Variants in MIS18A observed in about 807,000 individuals in gnomAD.
MIS18A encodes protein Mis18-alpha.
Under a neutral mutation model 25.0 loss-of-function variants are expected in MIS18A, and 14 were observed. The observed-to-expected ratio is 0.56, with a 90% CI of 0.37 to 0.88. The LOEUF (loss-of-function observed/expected upper bound fraction) is 0.88, where lower values mean the gene tolerates loss of function less well. Ranked by LOEUF, MIS18A falls within the 40% of genes least tolerant of loss-of-function variation. MIS18A has a pLI of 0.00. For synonymous variants in MIS18A, 134 were observed against 118.6 expected, an observed-to-expected ratio of 1.13 and a Z score of -0.84; for missense variants, 292 against 290.8, an observed-to-expected ratio of 1.00 and a Z score of -0.03.
the MIS18A span, among the ~76,000 whole-genome samples, chr21:32,236,150 G>A: frequency 6.6e-6 from 1 of 151,964 alleles, no homozygotes; most frequent in Non-Finnish European, 1.5e-5. Flanking sequence ...CGAGGTGGGT[G>A]GATCACGAGA....
At chr21:32,173,955 G>GTTTTTTTT in the MIS18A span, among the ~76,000 whole-genome samples, 1 of 92,588 alleles carries the variant, frequency 1.1e-5, no homozygotes, top group Non-Finnish European at 2.0e-5. Context: ...TACTTTTTAA[G>GTTTTTTTT]TTTTTTTTTT....
At chr21:32,261,772 GAC>G in the MIS18A span, among the ~76,000 whole-genome samples, 1 of 152,224 alleles carries the variant, frequency 6.6e-6, no homozygotes, top group African/African-American at 2.4e-5. Context: ...CAGCCAAGAA[GAC>G]ACACGGAGAG....
downstream of MIS18A, among the ~76,000 whole-genome samples, chr21:32,264,878 T>C (rs2031564092): frequency 1.3e-5 from 2 of 152,214 alleles, no homozygotes; most frequent in South Asian, 4.1e-4. Context: ...GTGGACTCTT[T>C]AGCTTGGAAA....
the MIS18A span, among the ~76,000 whole-genome samples, chr21:32,173,625 A>T: frequency 6.6e-6 from 1 of 152,204 alleles, no homozygotes; most frequent in African/African-American, 2.4e-5. Flanking sequence ...TGAAGTACTG[A>T]TGATGAACCT....
chr21:32,265,727 C>T (rs1200260368), downstream of MIS18A, among the ~76,000 whole-genome samples: 1 of 152,264 alleles, frequency 6.6e-6, no homozygotes, highest in Non-Finnish European at 1.5e-5. Context: ...GCACAGGGCA[C>T]AGGACGGGCA....
At chr21:32,199,309 T>C in the MIS18A span, among the ~76,000 whole-genome samples, 11 of 152,144 alleles carry the variant, frequency 7.2e-5, no homozygotes, top group Non-Finnish European at 1.6e-4. Context: ...GCCTTCATTA[T>C]TCAGGACCAA....
chr21:32,276,039 C>T (rs994605275), intron 1 of MIS18A, among the ~76,000 whole-genome samples: 2 of 152,144 alleles, frequency 1.3e-5, no homozygotes, highest in Non-Finnish European at 2.9e-5. Context: ...GACTACAACG[C>T]CTTGCAGTTT....
At chr21:32,254,046 C>T in the MIS18A span, among the ~76,000 whole-genome samples, 1 of 150,858 alleles carries the variant, frequency 6.6e-6, no homozygotes, top group Non-Finnish European at 1.5e-5. Flanking sequence ...ACCAGCCTGT[C>T]CAATATGGTG....
At chr21:32,237,880 C>T in the MIS18A span, among the ~76,000 whole-genome samples, 1 of 151,954 alleles carries the variant, frequency 6.6e-6, no homozygotes, top group Non-Finnish European at 1.5e-5. Context: ...TCTTAACAGA[C>T]CCAATCAGAA....
At chr21:32,201,323 G>GA in the MIS18A span, among the ~76,000 whole-genome samples, 4 of 151,442 alleles carry the variant, frequency 2.6e-5, no homozygotes, top group Admixed American at 6.6e-5. Context: ...GAACCAGGTG[G>GA]AAAAAAAACA....
chr21:32,178,127 C>T, the MIS18A span, among the ~76,000 whole-genome samples: 3 of 151,990 alleles, frequency 2.0e-5, no homozygotes, highest in Admixed American at 1.3e-4. Flanking sequence ...ACTATGTTGC[C>T]CAGGCTGATC....
chr21:32,234,340 C>T, the MIS18A span, among the ~76,000 whole-genome samples: 16 of 152,258 alleles, frequency 1.1e-4, no homozygotes, highest in South Asian at 1.0e-3. Flanking sequence ...CTCAGCCTTA[C>T]GGTCTTTCTT....
the MIS18A span, among the ~76,000 whole-genome samples, chr21:32,192,753 A>G: frequency 0.15 from 23,044 of 152,092 alleles, 1,852 homozygotes; most frequent in East Asian, 0.24. Context: ...TCCTCTTTTA[A>G]TCCAAACAAC....
At chr21:32,155,541 G>A in the MIS18A span, among the ~76,000 whole-genome samples, 5 of 152,170 alleles carry the variant, frequency 3.3e-5, no homozygotes, top group Non-Finnish European at 5.9e-5. Flanking sequence ...AGTTATAACA[G>A]TAATTTGTAT....
chr21:32,164,583 T>C, the MIS18A span, among the ~76,000 whole-genome samples: 1 of 151,948 alleles, frequency 6.6e-6, no homozygotes, highest in South Asian at 2.1e-4. Context: ...TAAACTGGGA[T>C]ACTTTTTCCA....
At chr21:32,267,030 T>C (rs868109060), downstream of MIS18A, among the ~76,000 whole-genome samples, 3 of 152,002 alleles carry the variant, frequency 2.0e-5, no homozygotes, top group African/African-American at 7.3e-5. Flanking sequence ...AGAAAAGCCA[T>C]GCCACCAGGC....
chr21:32,266,387 C>A (rs1428956039), downstream of MIS18A, among the ~76,000 whole-genome samples: 3 of 152,008 alleles, frequency 2.0e-5, no homozygotes, highest in East Asian at 1.9e-4. Context: ...GCAGGCTGCC[C>A]GAGCCAGCAT....
chr21:32,198,075 C>A, the MIS18A span, among the ~76,000 whole-genome samples: 21 of 152,340 alleles, frequency 1.4e-4, no homozygotes, highest in East Asian at 4.1e-3. Context: ...TGGCATCTCT[C>A]CTGCTGTGGG....
chr21:32,157,245 G>GTTTTTTTTT, the MIS18A span, among the ~76,000 whole-genome samples: 7 of 25,856 alleles, frequency 2.7e-4, no homozygotes, highest in Admixed American at 4.8e-4. Flanking sequence ...TTTTTTGGTA[G>GTTTTTTTTT]TTTTAGTAGA....
Sources: gnomAD v4.1 joint callset for allele counts (sites outside exome capture counted in the v4.1 genomes callset) on GRCh38, gnomAD v4.1.1 for gene constraint, MANE v1.5 for transcripts, NCBI Gene and HGNC (gene_info 2026-07-23, HGNC 2026-07-21) for gene names.